The following DLG2 variants were observed in gnomAD, a reference collection of about 807,000 sequenced individuals.
DLG2 encodes discs large MAGUK scaffold protein 2.
DLG2 carries 45 observed loss-of-function variants against 132.5 expected under a neutral mutation model. That is an observed-to-expected ratio of 0.34 (90% confidence interval 0.27 to 0.44). The LOEUF (loss-of-function observed/expected upper bound fraction) is 0.44. Among genes scored for constraint, DLG2 ranks in the 20% least tolerant of loss-of-function variants. DLG2 has a pLI of 1.00. For missense variants in DLG2, 1,045 were observed against 1,196.9 expected (o/e 0.87, Z 1.87); for synonymous variants, 424 against 419.6 (o/e 1.01, Z -0.13).
intron 7 of DLG2, among the ~76,000 whole-genome samples, chr11:84,255,779 G>T (rs185061253): frequency 5.1e-4 from 78 of 152,046 alleles, no homozygotes; most frequent in African/African-American, 1.8e-3. Context: ...TCTTTAATCA[G>T]AAAATTCAAG....
chr11:85,118,181 T>G (rs939736625), intron 5 of DLG2, among the ~76,000 whole-genome samples: 1 of 152,100 alleles, frequency 6.6e-6, no homozygotes, highest in African/African-American at 2.4e-5. Context: ...CTAATTTGTT[T>G]CTGAGGAAAT....
intron 6 of DLG2, among the ~76,000 whole-genome samples, chr11:84,820,689 A>C (rs1375900205): frequency 6.6e-6 from 1 of 151,150 alleles, no homozygotes; most frequent in Non-Finnish European, 1.5e-5. Flanking sequence ...ACTTTCAAGC[A>C]TGCAGAATCA....
intron 7 of DLG2, among the ~76,000 whole-genome samples, chr11:84,365,915 C>A (rs1002526476): frequency 2.0e-5 from 3 of 151,968 alleles, no homozygotes; most frequent in Admixed American, 6.6e-5. Context: ...GAGAACTTCC[C>A]CAATCTAGCA....
At chr11:83,551,007 G>A (rs1592996981) in intron 19 of DLG2, among the ~76,000 whole-genome samples, 2 of 152,122 alleles carry the variant, frequency 1.3e-5, no homozygotes, top group South Asian at 2.1e-4. Context: ...ATATATGCAT[G>A]ACTCGTGAAG....
chr11:83,825,285 G>T (rs899559454), intron 17 of DLG2, among the ~76,000 whole-genome samples: 1 of 148,424 alleles, frequency 6.7e-6, no homozygotes, highest in Non-Finnish European at 1.5e-5. Flanking sequence ...AGGTTCAAGC[G>T]ATTCTCCTGC....
Position 84,534,712 on chromosome 11 carries a change from T to A in DLG2, c.377A>T (p.Glu126Val). Residue 126 changes from glutamate to valine, a missense_variant, in exon 7 of 28, where the codon GAG becomes GTG. Glu to Val is a moderately radical substitution (Grantham distance 121, BLOSUM62 -2). Coordinates refer to ENST00000376104, the MANE Select transcript of DLG2 (RefSeq NM_001142699.3). ...TAAGGAATGATCATGTGGAGCGTCC[T>A]CATCTTGATATCGATACTTCTAGGA... ...HHCTKYRYQD[E>V]DAPHDHSLPR... The A allele has an allele frequency of 1.9e-6, 3 of 1,614,058 alleles. No individual in the cohort carries two copies. Among genetic ancestry groups the A allele is most frequent in the Non-Finnish European group, 2.5e-6 (3 of 1,179,922 alleles).
At chr11:85,176,822 G>A (rs1489856302) in intron 4 of DLG2, among the ~76,000 whole-genome samples, 1 of 152,050 alleles carries the variant, frequency 6.6e-6, no homozygotes, top group East Asian at 1.9e-4. Context: ...CTTCTCAAAA[G>A]AAGGCATTCA....
intron 15 of DLG2, among the ~76,000 whole-genome samples, chr11:83,927,359 A>G (rs2079170416): frequency 6.6e-6 from 1 of 152,270 alleles, no homozygotes; most frequent in South Asian, 2.1e-4. Context: ...GAAAAATAGA[A>G]AGAAAATATA....
Position 84,711,407 on chromosome 11 carries a change from AC to A in DLG2, c.358-176677del, listed in dbSNP as rs1427221873. ...TCGATCGATCTAGCTATCCTCCCCC[AC>A]CCCCTCCCCCACCCCCCACACACAT... On this transcript the variant is annotated intron_variant, in intron 6 of 27. Transcript: ENST00000376104. 8.7e-3 allele frequency among the ~76,000 whole-genome samples: 198 copies of A among 22,746 alleles called. 6 individuals carry two copies. Among genetic ancestry groups the A allele is most frequent in the African/African-American group, 0.032 (193 of 6,112 alleles). The allele number at this position is 22,746 out of a possible 152,430, so 14.9% of individuals were successfully genotyped here.
At chr11:83,542,335 A>T (rs1257118556) in intron 19 of DLG2, among the ~76,000 whole-genome samples, 1 of 152,184 alleles carries the variant, frequency 6.6e-6, no homozygotes, top group Non-Finnish European at 1.5e-5. Flanking sequence ...AATGGGAAAA[A>T]ATGGTAACAA....
At chr11:84,795,261 ACT>A (rs963613200) in intron 6 of DLG2, among the ~76,000 whole-genome samples, 17 of 151,910 alleles carry the variant, frequency 1.1e-4, no homozygotes, top group African/African-American at 4.1e-4. Flanking sequence ...CACTCAGGAC[ACT>A]CTGCCTGCAG....
chr11:84,610,579 G>T (rs1011490314), intron 6 of DLG2, among the ~76,000 whole-genome samples: 6 of 152,084 alleles, frequency 3.9e-5, no homozygotes, highest in African/African-American at 1.4e-4. Context: ...GGAACAAGGG[G>T]TAAGCCAATG....
At chr11:85,140,772 T>C (rs572437530) in intron 5 of DLG2, among the ~76,000 whole-genome samples, 8 of 151,932 alleles carry the variant, frequency 5.3e-5, no homozygotes, top group Non-Finnish European at 7.4e-5. Context: ...CATTATACTC[T>C]TTTCTCTCCA....
intron 3 of DLG2, among the ~76,000 whole-genome samples, chr11:85,494,529 G>T (rs1267060552): frequency 6.6e-6 from 1 of 151,794 alleles, no homozygotes; most frequent in Non-Finnish European, 1.5e-5. Flanking sequence ...GTTAAAATTT[G>T]GAGTGGCTTT....
At chr11:84,159,748 A>T (rs2095505400) in intron 9 of DLG2, among the ~76,000 whole-genome samples, 1 of 152,198 alleles carries the variant, frequency 6.6e-6, no homozygotes, top group Non-Finnish European at 1.5e-5. Flanking sequence ...CAGCAGGGTA[A>T]AAGTGGAAGC....
intron 10 of DLG2, among the ~76,000 whole-genome samples, chr11:84,088,970 G>GTC (rs1214343261): frequency 6.6e-6 from 1 of 152,150 alleles, no homozygotes; most frequent in Non-Finnish European, 1.5e-5. Context: ...AGCACTAGAA[G>GTC]TCTCTGCCTT....
At chr11:84,101,748 G>A (rs1379511277) in intron 9 of DLG2, among the ~76,000 whole-genome samples, 1 of 151,928 alleles carries the variant, frequency 6.6e-6, no homozygotes, top group Non-Finnish European at 1.5e-5. Context: ...AGAGTATATT[G>A]GTCTCACTGT....
intron 8 of DLG2, among the ~76,000 whole-genome samples, chr11:84,207,081 C>CTCTCTATATATA (rs148707321): frequency 6.8e-6 from 1 of 146,902 alleles, no homozygotes; most frequent in African/African-American, 2.5e-5. Flanking sequence ...CTCTCTCTCT[C>CTCTCTATATATA]TATATATATA....
intron 6 of DLG2, among the ~76,000 whole-genome samples, chr11:84,664,168 C>T (rs2099697629): frequency 6.6e-6 from 1 of 152,088 alleles, no homozygotes; most frequent in Admixed American, 6.6e-5. Context: ...TATGGATAAA[C>T]TAATGAAAAA....
Sources: gnomAD v4.1 joint callset for allele counts (sites outside exome capture counted in the v4.1 genomes callset) on GRCh38, gnomAD v4.1.1 for gene constraint, MANE v1.5 for transcripts, NCBI Gene and HGNC (gene_info 2026-07-23, HGNC 2026-07-21) for gene names.